Variants in CSMD1 observed in about 807,000 individuals in gnomAD.
CSMD1 encodes CUB and sushi domain-containing protein 1.
Under a neutral mutation model 417.5 loss-of-function variants are expected in CSMD1, and 213 were observed. The ratio of observed to expected loss-of-function variants is 0.51; its 90% CI spans 0.46 to 0.57. The LOEUF is 0.57. Ranked by LOEUF, CSMD1 falls within the 20% of genes least tolerant of loss-of-function variation. The probability of loss-of-function intolerance (pLI) is 0.00; values close to 1 mark genes in which losing one functional copy is unlikely to be tolerated. For missense variants in CSMD1, 6,923 were observed against 4,529.7 expected, an observed-to-expected ratio of 1.53 and a Z score of -15.17; for synonymous variants, 2,862 against 1,736.8, an observed-to-expected ratio of 1.65 and a Z score of -16.11.
At chr8:4,522,199 T>A (rs1803493710) in intron 2 of CSMD1, among the ~76,000 whole-genome samples, 1 of 152,054 alleles carries the variant, frequency 6.6e-6, no homozygotes, top group Non-Finnish European at 1.5e-5. Context: ...AGCTGATGAT[T>A]TATAAAAATG....
At chr8:4,427,996 T>G (rs1797662483) in intron 2 of CSMD1, among the ~76,000 whole-genome samples, 1 of 152,216 alleles carries the variant, frequency 6.6e-6, no homozygotes, top group African/African-American at 2.4e-5. Context: ...GGCCCAGTAG[T>G]AAAGATATTC....
chr8:3,608,095 C>G (rs995295593), intron 8 of CSMD1, among the ~76,000 whole-genome samples: 3 of 150,484 alleles, frequency 2.0e-5, no homozygotes, highest in African/African-American at 7.4e-5. Context: ...TTGTTTGAAC[C>G]TGGGAGGTGG....
chr8:4,026,377 C>G (rs536606564), intron 4 of CSMD1, among the ~76,000 whole-genome samples: 5 of 152,222 alleles, frequency 3.3e-5, no homozygotes, highest in African/African-American at 7.2e-5. Flanking sequence ...TAAAAGCACA[C>G]TGATCTCATT....
intron 5 of CSMD1, among the ~76,000 whole-genome samples, chr8:3,809,619 C>G (rs1162727937): frequency 6.6e-6 from 1 of 152,160 alleles, no homozygotes; most frequent in Non-Finnish European, 1.5e-5. Context: ...CTAATTCAGT[C>G]TGTCTCTGGT....
chr8:3,018,708 T>C, intron 51 of CSMD1, 58 bp from the exon 52 acceptor site: 4 of 1,468,514 alleles, frequency 2.7e-6, no homozygotes, highest in Non-Finnish European at 2.8e-6. Context: ...ACTCCTGTGC[T>C]CCAAACAAAC....
chr8:4,454,880 G>A (rs7006288), intron 2 of CSMD1, among the ~76,000 whole-genome samples: 43,757 of 151,996 alleles, frequency 0.29, 7,310 homozygotes, highest in Non-Finnish European at 0.38. Context: ...TCTAAATGGC[G>A]TCCTGTGATA....
intron 6 of CSMD1, among the ~76,000 whole-genome samples, chr8:3,749,133 C>T (rs1386854614): frequency 6.6e-6 from 1 of 152,094 alleles, no homozygotes. Context: ...CTTGTAGACA[C>T]TGAAAACGTC....
intron 3 of CSMD1, among the ~76,000 whole-genome samples, chr8:4,181,677 T>G (rs1179834863): frequency 6.6e-6 from 1 of 152,202 alleles, no homozygotes; most frequent in African/African-American, 2.4e-5. Context: ...TAATATTGAC[T>G]CAATTCATTT....
At chr8:4,847,712 C>G (rs1801223004) in intron 1 of CSMD1, among the ~76,000 whole-genome samples, 1 of 151,560 alleles carries the variant, frequency 6.6e-6, no homozygotes, top group Non-Finnish European at 1.5e-5. Flanking sequence ...TCTTGTTCTT[C>G]ACGCCTACCT....
chr8:3,422,584 A>G (rs532212909), intron 12 of CSMD1, among the ~76,000 whole-genome samples: 1 of 152,340 alleles, frequency 6.6e-6, no homozygotes, highest in Non-Finnish European at 1.5e-5. Flanking sequence ...GAAAAAGAGC[A>G]TGTTACAATA....
At chr8:3,898,566 T>C (rs180872315) in intron 5 of CSMD1, among the ~76,000 whole-genome samples, 26 of 152,270 alleles carry the variant, frequency 1.7e-4, no homozygotes, top group African/African-American at 4.3e-4. Context: ...TATCCTGTAA[T>C]GGAATATGAA....
At chr8:4,566,490 A>T (rs568911500) in intron 2 of CSMD1, among the ~76,000 whole-genome samples, 1 of 151,106 alleles carries the variant, frequency 6.6e-6, no homozygotes, top group Non-Finnish European at 1.5e-5. Flanking sequence ...CGTCTCTACT[A>T]AAAATACAAA....
chr8:4,124,468 G>T (rs1401234061), intron 3 of CSMD1, among the ~76,000 whole-genome samples: 4 of 152,152 alleles, frequency 2.6e-5, no homozygotes, highest in Non-Finnish European at 4.4e-5. Context: ...GGCCACTGTG[G>T]ACTTCTCTCC....
At chr8:4,810,677 T>A (rs1048686822) in intron 1 of CSMD1, among the ~76,000 whole-genome samples, 6 of 152,210 alleles carry the variant, frequency 3.9e-5, no homozygotes, top group Non-Finnish European at 8.8e-5. Context: ...AGAAACTTTA[T>A]AATGTTCCAA....
At chr8:3,643,382 C>G (rs1361957542) in intron 7 of CSMD1, among the ~76,000 whole-genome samples, 2 of 152,074 alleles carry the variant, frequency 1.3e-5, no homozygotes, top group Admixed American at 6.5e-5. Flanking sequence ...TGACAGACCT[C>G]CAGAGTCCCT....
rs1817073744 is a variant in CSMD1, at chr8:3,119,512, C to T, written c.6242-925G>A. ...CAGTCTTTATGTTCCCTAGAATAAA[C>T]TCCAGGTAAGACAAGAGATAATAAA... On this transcript the variant is annotated intron_variant, in intron 41 of 69. Coordinates refer to ENST00000635120, the MANE Select transcript of CSMD1 (RefSeq NM_033225.6). 4.0e-5 allele frequency among the ~76,000 whole-genome samples: 6 copies of T among 150,134 alleles called. No homozygotes were observed. The Admixed American group carries it at 4.0e-4, about 10-fold the overall frequency.
At chr8:4,763,050 G>T (rs957195825) in intron 1 of CSMD1, among the ~76,000 whole-genome samples, 2 of 151,980 alleles carry the variant, frequency 1.3e-5, no homozygotes, top group Admixed American at 1.3e-4. Flanking sequence ...AGACTTCCAG[G>T]GTACAGCTGT....
At chr8:4,310,094 C>T (rs1014647363) in intron 3 of CSMD1, among the ~76,000 whole-genome samples, 2 of 152,160 alleles carry the variant, frequency 1.3e-5, no homozygotes, top group Admixed American at 1.3e-4. Flanking sequence ...ATTATCACCT[C>T]TCAGAGATTC....
intron 17 of CSMD1, among the ~76,000 whole-genome samples, chr8:3,390,451 C>A (rs1175627923): frequency 1.3e-5 from 2 of 149,010 alleles, no homozygotes; most frequent in African/African-American, 4.9e-5. Context: ...AGTCTGTGGA[C>A]ACAGGTAGCC....
Sources: allele counts gnomAD v4.1 joint callset (sites outside exome capture counted in the v4.1 genomes callset), GRCh38; gene constraint gnomAD v4.1.1; transcripts MANE v1.5; gene names NCBI Gene and HGNC (gene_info 2026-07-23, HGNC 2026-07-21).